The following MARK4 variants were observed in gnomAD, a reference collection of about 807,000 sequenced individuals.
The protein encoded by MARK4 is MAP/microtubule affinity-regulating kinase 4.
MARK4 carries 19 observed loss-of-function variants against 81.5 expected under a neutral mutation model. The ratio of observed to expected loss-of-function variants is 0.23; its 90% CI spans 0.16 to 0.34. MARK4 has a LOEUF of 0.34. Ranked by LOEUF, MARK4 falls within the 10% of genes least tolerant of loss-of-function variation. The pLI, the probability that MARK4 is intolerant of heterozygous loss-of-function variation, is 1.00. For synonymous variants in MARK4, 436 were observed against 439.0 expected (o/e 0.99, Z 0.08); for missense variants, 772 against 1,058.8 (o/e 0.73, Z 3.76).
intron 13 of MARK4, chr19:45,287,930 A>G: frequency 1.9e-6 from 1 of 519,398 alleles, no homozygotes; most frequent in Non-Finnish European, 3.5e-6. Flanking sequence ...AATACAGGAA[A>G]TTAAGTGCTT....
At chr19:45,282,488 T>A (rs1487828941) in intron 12 of MARK4, among the ~76,000 whole-genome samples, 1 of 140,118 alleles carries the variant, frequency 7.1e-6, no homozygotes, top group Admixed American at 7.1e-5. Flanking sequence ...AGCCCAGGAG[T>A]TCTAGACCAG....
chr19:45,293,650 A>G (rs1385483131), intron 13 of MARK4, among the ~76,000 whole-genome samples: 1 of 152,232 alleles, frequency 6.6e-6, no homozygotes, highest in Non-Finnish European at 1.5e-5. Flanking sequence ...CCTTAGACAA[A>G]CTTCCAGAGA....
In MARK4 at chr19:45,302,288, C is replaced by A. The variant is rs1970985552; in HGVS notation, c.1923-86C>A. ...TTTGAGGGGATGGCTAGGAATGTGT[C>A]CCGAATTGGGAAGAGTTGTCCCTTC... On this transcript the variant is annotated intron_variant, in intron 16 of 16. Transcript: ENST00000262891. This position sits in a 1 kb window ranked among gnomAD's most constrained non-coding sequence, Gnocchi z 4.9. The A allele has an allele frequency of 6.3e-7, 1 of 1,593,524 alleles. No individual in the cohort carries two copies. Among genetic ancestry groups the A allele is most frequent in the Admixed American group, 1.7e-5 (1 of 58,060 alleles).
rs555526384 is a variant in MARK4, at chr19:45,290,856, C to T, written c.1494+3192C>T. On this transcript the variant is annotated intron_variant, in intron 13 of 16. Coordinates refer to ENST00000262891, the MANE Select transcript of MARK4 (RefSeq NM_001199867.2). The stretch of plus-strand genomic sequence containing the variant: ...TCCAGGGCTGTGCAGAGCCCGGGGT[C>T]AGTACAGGGAGGGGAGTGGAATGTT... Among the ~76,000 whole-genome samples, 124 of 152,186 alleles carry T rather than the reference C, an allele frequency of 8.1e-4. 1 individual carries two copies. The highest frequency in any genetic ancestry group is 2.9e-3 in the African/African-American group (119 of 41,508).
intron 1 of MARK4, among the ~76,000 whole-genome samples, chr19:45,255,027 T>C (rs1970289275): frequency 1.3e-5 from 2 of 151,924 alleles, no homozygotes; most frequent in African/African-American, 2.4e-5. Flanking sequence ...ATAGCAAGAC[T>C]CCATCTCTAC....
intron 12 of MARK4, among the ~76,000 whole-genome samples, chr19:45,284,324 T>TC (rs1002632035): frequency 6.7e-6 from 1 of 149,060 alleles, no homozygotes; most frequent in African/African-American, 2.5e-5. Flanking sequence ...AGATTTCTTT[T>TC]CTTTTTTTTT....
intron 10 of MARK4, among the ~76,000 whole-genome samples, chr19:45,279,448 C>T (rs544619531): frequency 2.0e-5 from 3 of 152,276 alleles, no homozygotes; most frequent in East Asian, 3.9e-4. Context: ...ATCCAGGAGG[C>T]AGAGGTTGCA....
Position 45,278,040 on chromosome 19 carries a change from G to A in MARK4, c.904G>A (p.Glu302Lys), listed in dbSNP as rs568500500. The A allele has an allele frequency of 5.0e-6, 8 of 1,613,328 alleles. No homozygotes were observed. Among genetic ancestry groups the A allele is most frequent in the South Asian group, 2.2e-5 (2 of 91,034 alleles). ...GAACCCAGCTAAACGCTGTACTCTC[G>A]AGGTGAGCCCAGCCTCACAGCCAGC... The part of the protein sequence containing the change: ...VLNPAKRCTL[E>K]QIMKDKWINI... Residue 302 changes from glutamate to lysine, a missense_variant and splice_region_variant, in exon 9 of 17, where the codon GAG (glutamate) becomes AAG (lysine). Around this residue, in one of 3 missense-constraint regions of MARK4, gnomAD observed 109 missense variants for 294.7 expected, o/e 0.37. Transcript: ENST00000262891.
chr19:45,287,170 C>T (rs1295804000), intron 12 of MARK4, among the ~76,000 whole-genome samples: 1 of 145,690 alleles, frequency 6.9e-6, no homozygotes, highest in African/African-American at 2.6e-5. Context: ...CACCACTGCA[C>T]TCCAGCCTGG....
At chr19:45,259,242 T>A in intron 2 of MARK4, 53 bp downstream of exon 2, 1 of 1,590,658 alleles carries the variant, frequency 6.3e-7, no homozygotes, top group South Asian at 1.1e-5. Flanking sequence ...GGACCAGGTC[T>A]TCGGTGTATG....
In MARK4 at chr19:45,263,183, G is replaced by T; in HGVS notation, c.306+17G>T. The T allele has an allele frequency of 6.2e-7, 1 of 1,610,766 alleles. No individual in the cohort carries two copies. The highest frequency in any genetic ancestry group is 8.5e-7 in the Non-Finnish European group (1 of 1,178,398). ...CTGCAGAAGGTGAGGCTGGGGAGAC[G>T]GGGGAGAGCAGGAGCCAGGCTTCCG... On this transcript the variant is annotated intron_variant, in intron 3 of 16. Transcript: ENST00000262891.
Position 45,251,542 on chromosome 19 carries a change from C to CCCGCCCCCCCCACCCGG in MARK4, c.-39_-23dup. On this transcript the variant is annotated 5_prime_UTR_variant, in exon 1 of 17. Transcript: ENST00000262891. The stretch of plus-strand genomic sequence containing the variant: ...GGGGAAGAGAGGGGACCCTGGGACC[C>CCCGCCCCCCCCACCCGG]CCGCCCCCCCCACCCGGCCGCCCCT... The CCCGCCCCCCCCACCCGG allele has an allele frequency of 2.7e-6, 1 of 370,692 alleles. No homozygotes were observed. The allele number at this position is 370,692 out of a possible 1,614,324, so 23.0% of individuals were successfully genotyped here. A position where few individuals can be genotyped will look rare whatever the true frequency, so the allele number is the denominator to read the frequency against.
intron 6 of MARK4, 50 bp from the exon 7 acceptor site, chr19:45,266,175 G>T: frequency 6.3e-7 from 1 of 1,591,088 alleles, no homozygotes; most frequent in Middle Eastern, 1.7e-4. Flanking sequence ...ACTGAGGGAG[G>T]CTGAGGGTTT....
At chr19:45,267,813 AC>A (rs1424174905) in intron 7 of MARK4, among the ~76,000 whole-genome samples, 1 of 151,004 alleles carries the variant, frequency 6.6e-6, no homozygotes, top group African/African-American at 2.4e-5. Flanking sequence ...GGTGTGAGCC[AC>A]AAAGCCTGGC....
In MARK4 at chr19:45,264,927, G is replaced by A. The variant is rs764261390; in HGVS notation, c.492+17G>A. The A allele has an allele frequency of 3.8e-5, 61 of 1,613,540 alleles. No individual in the cohort carries two copies. The highest frequency in any genetic ancestry group is 2.5e-4 in the East Asian group (11 of 44,886). ...TTCCGACAGGTTGGGGCAGGGCTGA[G>A]GGTGGGGCTGACTGGGTGCCTGGGT... On this transcript the variant is annotated intron_variant, in intron 6 of 16. Coordinates refer to ENST00000262891, the MANE Select transcript of MARK4 (RefSeq NM_001199867.2).
At chr19:45,300,866 A>G (rs932437654) in intron 16 of MARK4, among the ~76,000 whole-genome samples, 5 of 152,056 alleles carry the variant, frequency 3.3e-5, no homozygotes, top group Non-Finnish European at 7.4e-5. Context: ...TGACCCAAGC[A>G]CAGTGGCCGG....
At chr19:45,267,835 GT>G (rs148907985) in intron 7 of MARK4, among the ~76,000 whole-genome samples, 1 of 151,880 alleles carries the variant, frequency 6.6e-6, no homozygotes, top group African/African-American at 2.4e-5. Flanking sequence ...TAATTTTTGA[GT>G]TTTTTGTAGA....
chr19:45,299,820 C>G lies in MARK4; in HGVS notation c.1887C>G (p.Asp629Glu), dbSNP rs1381955993. ...LTSKLTRRVA[D>E]EPERIGGPEV... Reference sequence around the variant, plus strand: ...CCCTCCCCTCCCCTAGGGTCGCAGACGAACCTGAGAGAATCGGGGGACCTG... The same window carrying G: ...CCCTCCCCTCCCCTAGGGTCGCAGAGGAACCTGAGAGAATCGGGGGACCTG... Residue 629 changes from aspartate to glutamate, a missense_variant, in exon 16 of 17, where the codon GAC (aspartate) becomes GAG (glutamate). Coordinates refer to ENST00000262891, the MANE Select transcript of MARK4 (RefSeq NM_001199867.2). 2 of 1,604,678 alleles carry G rather than the reference C, an allele frequency of 1.2e-6. No individual in the cohort carries two copies. Among genetic ancestry groups the G allele is most frequent in the African/African-American group, 2.7e-5 (2 of 74,638 alleles).
At chr19:45,285,410 A>G (rs1970729751) in intron 12 of MARK4, among the ~76,000 whole-genome samples, 1 of 152,154 alleles carries the variant, frequency 6.6e-6, no homozygotes, top group African/African-American at 2.4e-5. Context: ...CACATTGCAC[A>G]AAGTGGCTGC....
Sources: allele counts gnomAD v4.1 joint callset (sites outside exome capture counted in the v4.1 genomes callset), GRCh38; gene constraint gnomAD v4.1.1; regional missense constraint gnomAD v4.1.1; non-coding constraint Gnocchi (gnomAD v3.1); transcripts MANE v1.5; gene names NCBI Gene and HGNC (gene_info 2026-07-23, HGNC 2026-07-21).